The following DYNLT2 variants were observed in gnomAD, a reference collection of about 807,000 sequenced individuals.
DYNLT2 encodes the protein dynein light chain Tctex-type 2, also known as dynein light chain Tctex-type protein 2.
DYNLT2 carries 24 observed loss-of-function variants against 24.3 expected under a neutral mutation model. That is an observed-to-expected ratio of 0.99 (90% CI 0.71 to 1.39). The LOEUF is 1.39. Ranked by LOEUF, DYNLT2 falls within the 40% of genes most tolerant of loss-of-function variation. The pLI is 0.00. For synonymous variants in DYNLT2, 85 were observed against 85.4 expected, an observed-to-expected ratio of 1.00 and a Z score of 0.03; for missense variants, 246 against 234.5, an observed-to-expected ratio of 1.05 and a Z score of -0.32.
the DYNLT2 span, among the ~76,000 whole-genome samples, chr6:169,732,703 G>A: frequency 9.2e-5 from 14 of 152,282 alleles, no homozygotes; most frequent in East Asian, 1.2e-3. Context: ...ATTTAGGTTA[G>A]TTCCATGTCT....
chr6:169,736,960 T>C (rs1475804755), downstream of DYNLT2, among the ~76,000 whole-genome samples: 2 of 152,236 alleles, frequency 1.3e-5, no homozygotes, highest in East Asian at 3.8e-4. Flanking sequence ...CAATCAATCG[T>C]AGGTTTGGCC....
In DYNLT2 at chr6:169,748,468, TTG is replaced by T. The variant is rs146888465; in HGVS notation, c.120+2869_120+2870del. ...ATGGAAACAATTGTTCCATACATTT[TTG>T]TGTGTTACTTTAAGTAGTTTCTGAT... On this transcript the variant is annotated intron_variant, in intron 1 of 3. Coordinates refer to ENST00000366774, the MANE Select transcript of DYNLT2 (RefSeq NM_174910.3). Among the ~76,000 whole-genome samples the T allele has an allele frequency of 5.4e-4, 83 of 152,340 alleles. No homozygotes were observed. In the East Asian group the frequency reaches 7.1e-3, roughly 13 times the overall value.
chr6:169,726,609 A>G, the DYNLT2 span, among the ~76,000 whole-genome samples: 1 of 152,246 alleles, frequency 6.6e-6, no homozygotes, highest in Non-Finnish European at 1.5e-5. Flanking sequence ...ATTTCAAGTT[A>G]AGACTTTGGT....
chr6:169,751,058 A>T (rs926761351), intron 1 of DYNLT2: 1 of 350,510 alleles, frequency 2.9e-6, no homozygotes. Flanking sequence ...CAAGCTGAGT[A>T]AATTTGAAAA....
intron 3 of DYNLT2, among the ~76,000 whole-genome samples, chr6:169,742,551 CAGAAT>C (rs1347681701): frequency 2.0e-5 from 3 of 152,148 alleles, no homozygotes; most frequent in Non-Finnish European, 4.4e-5. Flanking sequence ...GATCAAGGAA[CAGAAT>C]AGCAGTGCAA....
rs2027062 is a variant in DYNLT2 at position 169,741,944 on chromosome 6, C to T, written c.486+1136G>A. Among the ~76,000 whole-genome samples, 402 of 152,120 alleles carry T rather than the reference C, an allele frequency of 2.6e-3. 3 individuals are homozygous for T. The highest frequency in any genetic ancestry group is 9.1e-3 in the African/African-American group (377 of 41,438). On this transcript the variant is annotated intron_variant, in intron 3 of 3. Transcript: ENST00000366774. Reference sequence around the variant, plus strand: ...AGGACGGTTCTTTCTTGCTGACTGGCGGTTCTCTCGCCAGTACCCCTCTGC... The same window carrying T: ...AGGACGGTTCTTTCTTGCTGACTGGTGGTTCTCTCGCCAGTACCCCTCTGC...
At chr6:169,733,469 G>A in the DYNLT2 span, among the ~76,000 whole-genome samples, 1 of 152,166 alleles carries the variant, frequency 6.6e-6, no homozygotes, top group Non-Finnish European at 1.5e-5. Context: ...TGTATAAGGT[G>A]TAAGGAAGGG....
the DYNLT2 span, among the ~76,000 whole-genome samples, chr6:169,727,569 T>C: frequency 2.8e-5 from 4 of 144,050 alleles, no homozygotes; most frequent in South Asian, 9.3e-4. Context: ...TTTTTGTTTT[T>C]TTGTTTTTTT....
In DYNLT2 at chr6:169,748,884, TAA is replaced by T. The variant is rs201636074; in HGVS notation, c.120+2453_120+2454del. Among the ~76,000 whole-genome samples, 882 of 152,348 alleles carry T rather than the reference TAA, an allele frequency of 5.8e-3. 4 individuals carry two copies. The highest frequency in any genetic ancestry group is 0.033 in the East Asian group (169 of 5,184). On this transcript the variant is annotated intron_variant, in intron 1 of 3. Coordinates refer to ENST00000366774, the MANE Select transcript of DYNLT2 (RefSeq NM_174910.3). ...ATATTGGCTGACTTGCTATACTTAT[TAA>T]GAGTATTTTATTCCTTTTATTAAGA...
chr6:169,730,366 A>G, the DYNLT2 span, among the ~76,000 whole-genome samples: 3 of 152,202 alleles, frequency 2.0e-5, no homozygotes, highest in Non-Finnish European at 4.4e-5. Flanking sequence ...AAAAGATTAT[A>G]TATTCAGATA....
chr6:169,736,896 C>G (rs942142453), downstream of DYNLT2, among the ~76,000 whole-genome samples: 1 of 152,148 alleles, frequency 6.6e-6, no homozygotes, highest in Non-Finnish European at 1.5e-5. Flanking sequence ...TAGATAATAT[C>G]CTGAAGTGTG....
At chr6:169,726,667 T>G in the DYNLT2 span, among the ~76,000 whole-genome samples, 1 of 152,344 alleles carries the variant, frequency 6.6e-6, no homozygotes, top group Non-Finnish European at 1.5e-5. Context: ...AAAGGTAAAT[T>G]AGTTAATCTC....
the DYNLT2 span, chr6:169,725,439 CCACT>C: frequency 2.5e-6 from 1 of 397,604 alleles, no homozygotes; most frequent in Non-Finnish European, 4.4e-6. Flanking sequence ...AGAGAGGTCA[CCACT>C]GACGACGCCG....
downstream of DYNLT2, among the ~76,000 whole-genome samples, chr6:169,739,180 A>G (rs1032055485): frequency 1.4e-5 from 2 of 147,672 alleles, no homozygotes; most frequent in African/African-American, 5.0e-5. Flanking sequence ...AAGAGTCCCA[A>G]TTTGTACACT....
chr6:169,743,288 C>A, intron 2 of DYNLT2, 50 bp from the exon 3 acceptor site: 1 of 1,180,624 alleles, frequency 8.5e-7, no homozygotes, highest in South Asian at 2.4e-5. Flanking sequence ...CAAATATTTT[C>A]TATATAAAAA....
At chr6:169,731,517 T>C in the DYNLT2 span, among the ~76,000 whole-genome samples, 1 of 152,224 alleles carries the variant, frequency 6.6e-6, no homozygotes, top group Admixed American at 6.5e-5. Flanking sequence ...GAGGTGCAGT[T>C]GCTGAATACC....
chr6:169,725,586 G>A, the DYNLT2 span: 1 of 348,574 alleles, frequency 2.9e-6, no homozygotes, highest in Non-Finnish European at 5.1e-6. Flanking sequence ...AGAAGAAACT[G>A]CATCTTTCAG....
chr6:169,733,605 G>A, the DYNLT2 span, among the ~76,000 whole-genome samples: 1 of 152,142 alleles, frequency 6.6e-6, no homozygotes, highest in African/African-American at 2.4e-5. Context: ...TAGATGTGTG[G>A]TGTTATTTCT....
In DYNLT2 at chr6:169,751,478, C is replaced by T; in HGVS notation, c.-20G>A. On this transcript the variant is annotated 5_prime_UTR_variant, in exon 1 of 4. Coordinates refer to ENST00000366774, the MANE Select transcript of DYNLT2 (RefSeq NM_174910.3). ...CTCCATCTCGCTCTGTTCTCCAAGA[C>T]GCCCACCGCCTCCCCTTCACCGCCG... 3 of 1,612,394 alleles carry T rather than the reference C, an allele frequency of 1.9e-6. No individual in the cohort carries two copies. Among genetic ancestry groups the T allele is most frequent in the South Asian group, 2.2e-5 (2 of 90,986 alleles).
Sources: allele counts gnomAD v4.1 joint callset (sites outside exome capture counted in the v4.1 genomes callset), GRCh38; gene constraint gnomAD v4.1.1; transcripts MANE v1.5; gene names NCBI Gene and HGNC (gene_info 2026-07-23, HGNC 2026-07-21).